The following ANKRD28 variants were observed in gnomAD, a reference collection of about 807,000 sequenced individuals.
The protein encoded by ANKRD28 is serine/threonine-protein phosphatase 6 regulatory ankyrin repeat subunit A.
ANKRD28 carries 44 observed loss-of-function variants against 126.5 expected under a neutral mutation model. That is an observed-to-expected ratio of 0.35 (90% CI 0.27 to 0.45). The LOEUF (loss-of-function observed/expected upper bound fraction) is 0.45. ANKRD28 is among the 20% of genes least tolerant of loss of function. The probability of loss-of-function intolerance (pLI) is 1.00; values close to 1 mark genes in which losing one functional copy is unlikely to be tolerated. For synonymous variants in ANKRD28, 442 were observed against 468.5 expected (o/e 0.94, Z 0.73); for missense variants, 1,110 against 1,316.6 (o/e 0.84, Z 2.43).
At chr3:15,809,704 T>G (rs2060667429) in intron 1 of ANKRD28, among the ~76,000 whole-genome samples, 1 of 152,184 alleles carries the variant, frequency 6.6e-6, no homozygotes, top group Non-Finnish European at 1.5e-5. Context: ...TAAGCCAATT[T>G]GAGTTGGATT....
chr3:15,726,793 C>G (rs1472725518), intron 6 of ANKRD28, among the ~76,000 whole-genome samples: 1 of 152,240 alleles, frequency 6.6e-6, no homozygotes, highest in African/African-American at 2.4e-5. Flanking sequence ...TGCTTGCCAT[C>G]AAAACTTCAA....
chr3:15,836,488 T>C (rs938757813), intron 1 of ANKRD28, among the ~76,000 whole-genome samples: 3 of 152,052 alleles, frequency 2.0e-5, no homozygotes, highest in African/African-American at 7.2e-5. Flanking sequence ...ATTTCAAAAG[T>C]AATATTAAAT....
intron 1 of ANKRD28, among the ~76,000 whole-genome samples, chr3:15,818,055 A>G (rs536578736): frequency 6.6e-6 from 1 of 152,312 alleles, no homozygotes; most frequent in Admixed American, 6.5e-5. Flanking sequence ...CAAAATATGT[A>G]CAGATTATGT....
intron 3 of ANKRD28, among the ~76,000 whole-genome samples, chr3:15,760,682 A>T (rs962103793): frequency 6.6e-6 from 1 of 152,238 alleles, no homozygotes; most frequent in Admixed American, 6.5e-5. Flanking sequence ...CAAGAAAGAG[A>T]TAAGACAATG....
At chr3:15,747,298 T>G (rs2057542032) in intron 4 of ANKRD28, among the ~76,000 whole-genome samples, 5 of 152,250 alleles carry the variant, frequency 3.3e-5, no homozygotes, top group Admixed American at 3.3e-4. Context: ...ATTGTCTATT[T>G]GTGCTCTTTC....
intron 1 of ANKRD28, among the ~76,000 whole-genome samples, chr3:15,808,486 T>C (rs1402595186): frequency 6.6e-6 from 1 of 152,164 alleles, no homozygotes; most frequent in Non-Finnish European, 1.5e-5. Flanking sequence ...TATTTTCAAC[T>C]TTTTCTCTAT....
chr3:15,805,936 T>C (rs937410959), intron 1 of ANKRD28, among the ~76,000 whole-genome samples: 1 of 152,116 alleles, frequency 6.6e-6, no homozygotes, highest in African/African-American at 2.4e-5. Flanking sequence ...CACTTCCGTT[T>C]CAAAGTGGCT....
At position 15,845,245 on chromosome 3, in the gene ANKRD28, C is replaced by T. The variant is rs1341372353; in HGVS notation, c.27+14132G>A. Among the ~76,000 whole-genome samples the T allele has an allele frequency of 6.6e-6, 1 of 152,064 alleles. No individual in the cohort carries two copies. The highest frequency in any genetic ancestry group is 1.5e-5 in the Non-Finnish European group (1 of 68,014). ...GCATTTCTTCAAAATAGCAAGTCACCTATTATTAAATGAGTGGATTAACTG... is the reference window on the plus strand; with the variant it reads ...GCATTTCTTCAAAATAGCAAGTCACTTATTATTAAATGAGTGGATTAACTG... On this transcript the variant is annotated intron_variant, in intron 1 of 27. Transcript: ENST00000399451. This position sits in a 1 kb window ranked among gnomAD's most constrained non-coding sequence, Gnocchi z 4.9.
chr3:15,703,167 T>A (rs890340863), intron 14 of ANKRD28, among the ~76,000 whole-genome samples: 1 of 152,228 alleles, frequency 6.6e-6, no homozygotes, highest in Admixed American at 6.5e-5. Flanking sequence ...ATTTAAAGAT[T>A]GATTTTGGTA....
chr3:15,716,860 G>T (rs1288854458), intron 8 of ANKRD28, among the ~76,000 whole-genome samples: 1 of 152,166 alleles, frequency 6.6e-6, no homozygotes, highest in Non-Finnish European at 1.5e-5. Context: ...GCTTGGGGAG[G>T]CCAAAGCGGA....
intron 24 of ANKRD28, among the ~76,000 whole-genome samples, 198 bp from the exon 25 acceptor site, chr3:15,677,760 A>G (rs577151973): frequency 2.2e-4 from 33 of 152,318 alleles, no homozygotes; most frequent in African/African-American, 7.9e-4. Flanking sequence ...TATAAGTCAC[A>G]CACTCTAACA....
rs1195939542 is a variant in ANKRD28 at position 15,833,835 on chromosome 3, T to C, written c.27+25542A>G. On this transcript the variant is annotated intron_variant, in intron 1 of 27. Coordinates refer to the ANKRD28 transcript ENST00000399451. This position sits in a 1 kb window ranked among gnomAD's most constrained non-coding sequence, Gnocchi z 4.4. ...ATAAGTGGATTAATTTGTATTTCTT[T>C]TATGACTAATGATGTTGAGGATTTT... Among the ~76,000 whole-genome samples the C allele has an allele frequency of 6.6e-6, 1 of 152,122 alleles. No homozygotes were observed. Among genetic ancestry groups the C allele is most frequent in the Non-Finnish European group, 1.5e-5 (1 of 68,024 alleles).
chr3:15,785,399 C>A (rs1358362120), intron 2 of ANKRD28, among the ~76,000 whole-genome samples: 1 of 152,010 alleles, frequency 6.6e-6, no homozygotes, highest in Non-Finnish European at 1.5e-5. Flanking sequence ...AAAAAACGGA[C>A]CAAGGACTTT....
chr3:15,784,697 A>C (rs2059693658), intron 2 of ANKRD28, among the ~76,000 whole-genome samples: 1 of 152,074 alleles, frequency 6.6e-6, no homozygotes, highest in Non-Finnish European at 1.5e-5. Flanking sequence ...TAAAAACACC[A>C]ATTAAAAGAC....
chr3:15,757,657 A>C (rs945979968), intron 3 of ANKRD28, among the ~76,000 whole-genome samples: 5 of 152,104 alleles, frequency 3.3e-5, no homozygotes, highest in Non-Finnish European at 5.9e-5. Context: ...TACTAAAAAG[A>C]CTGCTGGCTA....
At chr3:15,850,224 T>TATATATATAGAGAGAGAGAGAG (rs1418223588) in intron 1 of ANKRD28, among the ~76,000 whole-genome samples, 5 of 35,108 alleles carry the variant, frequency 1.4e-4, no homozygotes, top group Non-Finnish European at 3.0e-4. Flanking sequence ...TATATATATA[T>TATATATATAGAGAGAGAGAGAG]AGAGAGAGAG....
At chr3:15,747,751 G>C (rs1358456089) in intron 4 of ANKRD28, among the ~76,000 whole-genome samples, 1 of 152,090 alleles carries the variant, frequency 6.6e-6, no homozygotes, top group East Asian at 1.9e-4. Context: ...TTTCTTTGTT[G>C]ACTTTCTGTT....
Position 15,667,575 on chromosome 3 carries a change from C to A in ANKRD28, c.*2695G>T. The A allele has an allele frequency of 6.6e-6, 1 of 152,220 alleles. No homozygotes were observed. The highest frequency in any genetic ancestry group is 1.9e-4 in the East Asian group (1 of 5,198). The allele number at this position is 152,220 out of a possible 1,614,324, so 9.4% of individuals were successfully genotyped here. On this transcript the variant is annotated 3_prime_UTR_variant, in exon 28 of 28. Coordinates refer to ENST00000683139, the MANE Select transcript of ANKRD28 (RefSeq NM_001349278.2). ...CAAGGTGTAACCATAAAGGAAATTT[C>A]TACGGTGCTGTGTTCATTCATTCAA... is the stretch of plus-strand genomic sequence containing the variant.
upstream of ANKRD28, among the ~76,000 whole-genome samples, chr3:15,801,480 A>G (rs2060464982): frequency 6.6e-6 from 1 of 152,220 alleles, no homozygotes; most frequent in Non-Finnish European, 1.5e-5. The surrounding 1 kb of genome is among the most constrained non-coding windows in gnomAD (Gnocchi z 4.9). Flanking sequence ...CTGGTCTCTG[A>G]GTATTTGAAA....
Sources: gnomAD v4.1 joint callset for allele counts (sites outside exome capture counted in the v4.1 genomes callset) on GRCh38, gnomAD v4.1.1 for gene constraint, Gnocchi (gnomAD v3.1) non-coding constraint, MANE v1.5 for transcripts, NCBI Gene and HGNC (gene_info 2026-07-23, HGNC 2026-07-21) for gene names.